LMO3: variants seen among roughly 807,000 people sequenced by gnomAD.
LMO3 encodes LIM domain only protein 3.
LMO3 carries 2 observed loss-of-function variants against 15.8 expected under a neutral mutation model. That is an observed-to-expected ratio of 0.13 (90% CI 0.05 to 0.40). The LOEUF is 0.40. Ranked by LOEUF, LMO3 falls within the 10% of genes least tolerant of loss-of-function variation. The pLI is 0.99. For synonymous variants in LMO3, 62 were observed against 63.8 expected (o/e 0.97, Z 0.13); for missense variants, 86 against 182.2 (o/e 0.47, Z 3.04).
chr12:16,557,616 T>A (rs1468859), intron 3 of LMO3, among the ~76,000 whole-genome samples: 151,684 of 152,198 alleles, frequency 1, 75,586 homozygotes, highest in South Asian at 1. Flanking sequence ...AGCAAGAAAC[T>A]CTATTGTGAT....
At chr12:16,558,115 G>A (rs547535417) in intron 3 of LMO3, among the ~76,000 whole-genome samples, 3 of 152,096 alleles carry the variant, frequency 2.0e-5, no homozygotes, top group South Asian at 4.2e-4. Flanking sequence ...TATAAATTGA[G>A]TGAAAAAGTC....
At chr12:16,574,175 A>G (rs1002059687) in intron 2 of LMO3, among the ~76,000 whole-genome samples, 5 of 152,160 alleles carry the variant, frequency 3.3e-5, no homozygotes, top group African/African-American at 9.7e-5. Context: ...TTAGAGGAAG[A>G]CAGTAGGGCT....
At chr12:16,558,291 T>A (rs1327942355) in intron 3 of LMO3, among the ~76,000 whole-genome samples, 1 of 152,046 alleles carries the variant, frequency 6.6e-6, no homozygotes, top group Non-Finnish European at 1.5e-5. Flanking sequence ...TGGGACAATG[T>A]CTTGTTTTTA....
intron 1 of LMO3, chr12:16,605,022 A>C (rs2137737800): frequency 6.4e-7 from 1 of 1,565,162 alleles, no homozygotes; most frequent in East Asian, 2.3e-5. Context: ...CCGAGGACCG[A>C]CTATTGTGAA....
intron 2 of LMO3, among the ~76,000 whole-genome samples, chr12:16,574,959 T>TC (rs1419919787): frequency 6.6e-6 from 1 of 152,126 alleles, no homozygotes; most frequent in Non-Finnish European, 1.5e-5. Context: ...ATAAGGCACC[T>TC]CCTTTCTTAC....
intron 1 of LMO3, chr12:16,602,291 G>A (rs1360325946): frequency 1.3e-5 from 2 of 151,502 alleles, no homozygotes; most frequent in Non-Finnish European, 2.9e-5. Context: ...GATATCTTAT[G>A]ATGAAGGCTT....
chr12:16,588,011 G>T (rs112754727), intron 2 of LMO3, among the ~76,000 whole-genome samples: 73 of 152,090 alleles, frequency 4.8e-4, no homozygotes, highest in African/African-American at 1.7e-3. Context: ...TTTCTCTTAC[G>T]ACTTCTTTCC....
chr12:16,589,907 C>G lies in LMO3; in HGVS notation c.206+10748G>C, dbSNP rs1402118885. Among the ~76,000 whole-genome samples, 1 of 152,080 alleles carries G rather than the reference C, an allele frequency of 6.6e-6. No homozygotes were observed. The highest frequency in any genetic ancestry group is 2.4e-5 in the African/African-American group (1 of 41,418). ...CCTCGTAAAGCTCTCTGGCTACTGT[C>G]TCCGTCTAGCTTTCTGGGAAGTATG... On this transcript the variant is annotated intron_variant, in intron 2 of 3. Transcript: ENST00000537304. The surrounding 1 kb of genome is among the most constrained non-coding windows in gnomAD (Gnocchi z 4.2).
At chr12:16,575,947 G>C (rs927213769) in intron 2 of LMO3, among the ~76,000 whole-genome samples, 2 of 152,054 alleles carry the variant, frequency 1.3e-5, no homozygotes, top group Non-Finnish European at 2.9e-5. Flanking sequence ...CGGAACATTT[G>C]CAAGTCCCTC....
chr12:16,603,886 T>A lies in LMO3; in HGVS notation c.-9+2180A>T, dbSNP rs1293485360. Among the ~76,000 whole-genome samples the A allele has an allele frequency of 6.6e-6, 1 of 152,168 alleles. No homozygotes were observed. Among genetic ancestry groups the A allele is most frequent in the African/African-American group, 2.4e-5 (1 of 41,422 alleles). ...GATTTGCAGCACTTAGACACAGTCT[T>A]ACATTTTTGGACTAACTACACAGAG... is the stretch of plus-strand genomic sequence containing the variant. On this transcript the variant is annotated intron_variant, in intron 1 of 3. Transcript: ENST00000537304. The surrounding 1 kb of genome is among the most constrained non-coding windows in gnomAD (Gnocchi z 4.9).
In LMO3 at chr12:16,560,421, A is replaced by G; in HGVS notation, c.324T>C (p.Cys108=). 1 of 1,613,600 alleles carries G rather than the reference A, an allele frequency of 6.2e-7. No homozygotes were observed. Residue 108 remains cysteine (C), a synonymous_variant, in exon 3 of 4, where the codon TGT becomes TGC. Transcript: ENST00000537304. This position sits in a 1 kb window ranked among gnomAD's most constrained non-coding sequence, Gnocchi z 5.0. Reference sequence around the variant, plus strand: ...AAAAGAGACCTGCTTACCTCTGATTACAAAGCTGACATGCAAAGCAGTCCA... The same window carrying G: ...AAAAGAGACCTGCTTACCTCTGATTGCAAAGCTGACATGCAAAGCAGTCCA... The part of the protein sequence containing the change: ...YHLDCFACQL[C]NQRFCVGDKF...
At position 16,604,387 on chromosome 12, in the gene LMO3, G is replaced by A. The variant is rs2137731959; in HGVS notation, c.-9+1679C>T. On this transcript the variant is annotated intron_variant, in intron 1 of 3. Transcript: ENST00000537304. This position sits in a 1 kb window ranked among gnomAD's most constrained non-coding sequence, Gnocchi z 5.3. ...TCCCCTTTTTGAGCAATGGAGCTGG[G>A]AACCAATTTGATTCCCTTTTTCTCC... 6.6e-6 allele frequency among the ~76,000 whole-genome samples: 1 copy of A among 151,962 alleles called. No homozygotes were observed. The highest frequency in any genetic ancestry group is 1.9e-4 in the East Asian group (1 of 5,154).
upstream of LMO3, among the ~76,000 whole-genome samples, chr12:16,609,554 T>A (rs1944087783): frequency 6.6e-6 from 1 of 152,054 alleles, no homozygotes; most frequent in Non-Finnish European, 1.5e-5. Flanking sequence ...ATCAGACGTT[T>A]GATGAGAGAA....
At chr12:16,567,118 C>T (rs1159850984) in intron 2 of LMO3, among the ~76,000 whole-genome samples, 1 of 152,120 alleles carries the variant, frequency 6.6e-6, no homozygotes, top group African/African-American at 2.4e-5. Flanking sequence ...ATCACTTGAA[C>T]CTGCGAGGCG....
At position 16,560,990 on chromosome 12, in the gene LMO3, A is replaced by G. The variant is rs1223813811; in HGVS notation, c.207-452T>C. Among the ~76,000 whole-genome samples, 1 of 152,218 alleles carries G rather than the reference A, an allele frequency of 6.6e-6. No homozygotes were observed. Among genetic ancestry groups the G allele is most frequent in the Non-Finnish European group, 1.5e-5 (1 of 68,026 alleles). The stretch of plus-strand genomic sequence containing the variant: ...AAGGTTTGCCATTATTATTAAAAAT[A>G]CATTTATGAAGAAGCCATTTAAATA... On this transcript the variant is annotated intron_variant, in intron 2 of 3. Coordinates refer to ENST00000537304, the MANE Select transcript of LMO3 (RefSeq NM_018640.5). The surrounding 1 kb of genome is among the most constrained non-coding windows in gnomAD (Gnocchi z 5.0).
At chr12:16,579,467 A>G (rs1008344334) in intron 2 of LMO3, among the ~76,000 whole-genome samples, 4 of 152,234 alleles carry the variant, frequency 2.6e-5, no homozygotes, top group African/African-American at 7.2e-5. Context: ...TGGTGATGGT[A>G]TATCAGTAGC....
intron 2 of LMO3, among the ~76,000 whole-genome samples, chr12:16,565,734 T>C (rs1354517848): frequency 6.6e-6 from 1 of 151,584 alleles, no homozygotes; most frequent in Non-Finnish European, 1.5e-5. Context: ...ACACTGACAC[T>C]CTGTTGGTGA....
At chr12:16,601,489 A>G (rs1369104957) in intron 1 of LMO3, among the ~76,000 whole-genome samples, 3 of 152,234 alleles carry the variant, frequency 2.0e-5, no homozygotes, top group African/African-American at 7.2e-5. Context: ...CAAAGTATTC[A>G]TTGTGTTCAA....
intron 1 of LMO3, chr12:16,601,710 A>G (rs993242483): frequency 6.6e-6 from 1 of 152,164 alleles, no homozygotes; most frequent in Admixed American, 6.5e-5. Context: ...ATATAAGTAA[A>G]TATATACATG....
Sources: allele counts gnomAD v4.1 joint callset (sites outside exome capture counted in the v4.1 genomes callset), GRCh38; gene constraint gnomAD v4.1.1; non-coding constraint Gnocchi (gnomAD v3.1); transcripts MANE v1.5; gene names NCBI Gene and HGNC (gene_info 2026-07-23, HGNC 2026-07-21).